ANKRD44: variants seen among roughly 807,000 people sequenced by gnomAD.
ANKRD44 encodes ankyrin repeat domain 44, also known as serine/threonine-protein phosphatase 6 regulatory ankyrin repeat subunit B.
Under a neutral mutation model 116.0 loss-of-function variants are expected in ANKRD44, and 35 were observed. That is an observed-to-expected ratio of 0.30 (90% CI 0.23 to 0.40). The LOEUF is 0.40. Among genes scored for constraint, ANKRD44 ranks in the 10% least tolerant of loss-of-function variants. ANKRD44 has a pLI of 1.00. For synonymous variants in ANKRD44, 435 were observed against 461.8 expected (o/e 0.94, Z 0.74); for missense variants, 1,014 against 1,242.6 (o/e 0.82, Z 2.77).
intron 16 of ANKRD44, among the ~76,000 whole-genome samples, chr2:197,037,259 G>C (rs566411871): frequency 6.6e-6 from 1 of 152,312 alleles, no homozygotes; most frequent in East Asian, 1.9e-4. Flanking sequence ...CTATTGAAAA[G>C]TGAAATGGTT....
chr2:197,131,095 G>C (rs959538353), intron 4 of ANKRD44, among the ~76,000 whole-genome samples: 3 of 152,180 alleles, frequency 2.0e-5, no homozygotes, highest in Admixed American at 1.3e-4. Flanking sequence ...TCCTAAACTA[G>C]TATTGCCAAT....
At chr2:197,059,277 G>T (rs935791447) in intron 16 of ANKRD44, among the ~76,000 whole-genome samples, 1 of 152,152 alleles carries the variant, frequency 6.6e-6, no homozygotes, top group Non-Finnish European at 1.5e-5. Context: ...TAAAAAATTT[G>T]CAATGGAAAA....
intron 2 of ANKRD44, among the ~76,000 whole-genome samples, chr2:197,150,383 C>T (rs2079613506): frequency 6.6e-6 from 1 of 151,782 alleles, no homozygotes; most frequent in African/African-American, 2.4e-5. Context: ...CCCATTTCTA[C>T]AAAAAAATAC....
chr2:197,231,036 A>G (rs11899420), intron 1 of ANKRD44, among the ~76,000 whole-genome samples: 1 of 152,116 alleles, frequency 6.6e-6, no homozygotes, highest in African/African-American at 2.4e-5. Flanking sequence ...ATTTCTGCCA[A>G]GAGGAGGGGA....
At chr2:197,109,900 G>A (rs184040174) in intron 9 of ANKRD44, among the ~76,000 whole-genome samples, 30 of 152,194 alleles carry the variant, frequency 2.0e-4, no homozygotes, top group African/African-American at 7.2e-4. Context: ...CAACCTGATG[G>A]TTCAAGCATA....
chr2:197,175,470 C>T (rs1317440557), intron 2 of ANKRD44, among the ~76,000 whole-genome samples: 9 of 152,162 alleles, frequency 5.9e-5, no homozygotes, highest in Admixed American at 5.9e-4. Context: ...ACATGAAGCA[C>T]TGATGACAAA....
At chr2:197,194,820 G>A (rs1241526584) in intron 1 of ANKRD44, among the ~76,000 whole-genome samples, 2 of 152,080 alleles carry the variant, frequency 1.3e-5, no homozygotes, top group South Asian at 2.1e-4. Context: ...GAAAACAAAG[G>A]GCTACAGTCT....
At chr2:197,235,719 A>G (rs1323851139) in intron 1 of ANKRD44, among the ~76,000 whole-genome samples, 1 of 151,674 alleles carries the variant, frequency 6.6e-6, no homozygotes, top group Non-Finnish European at 1.5e-5. Flanking sequence ...ATATTATACA[A>G]TACAAATAAT....
At chr2:196,989,787 T>A in intron 27 of ANKRD44, 138 bp from the exon 28 acceptor site, 3 of 1,469,272 alleles carry the variant, frequency 2.0e-6, no homozygotes, top group South Asian at 2.7e-5. Flanking sequence ...GTCACACTTT[T>A]CACTGACTTG....
chr2:197,050,268 TC>T (rs1360520313), intron 16 of ANKRD44, among the ~76,000 whole-genome samples: 1 of 152,032 alleles, frequency 6.6e-6, no homozygotes, highest in Non-Finnish European at 1.5e-5. Context: ...GCTCTCATGA[TC>T]CAATCGCCTC....
At chr2:197,164,510 C>G (rs1013765899) in intron 2 of ANKRD44, among the ~76,000 whole-genome samples, 9 of 152,212 alleles carry the variant, frequency 5.9e-5, no homozygotes, top group African/African-American at 2.2e-4. Context: ...GAGCCCTTCC[C>G]CCACCGCAGC....
chr2:197,278,325 C>T (rs1424135700), intron 1 of ANKRD44, among the ~76,000 whole-genome samples: 1 of 151,744 alleles, frequency 6.6e-6, no homozygotes, highest in Non-Finnish European at 1.5e-5. Flanking sequence ...ATTCTGCATC[C>T]TAAATGTGCA....
intron 16 of ANKRD44, among the ~76,000 whole-genome samples, chr2:197,075,439 C>A (rs576793728): frequency 6.6e-6 from 1 of 152,174 alleles, no homozygotes; most frequent in Non-Finnish European, 1.5e-5. Flanking sequence ...AAGTCTCCCC[C>A]ACTTTGCTTT....
At chr2:197,275,289 A>AT (rs2083042548) in intron 1 of ANKRD44, among the ~76,000 whole-genome samples, 1 of 151,628 alleles carries the variant, frequency 6.6e-6, no homozygotes, top group Non-Finnish European at 1.5e-5. Context: ...TAATATGTGG[A>AT]TTTTTTGTTG....
intron 1 of ANKRD44, among the ~76,000 whole-genome samples, chr2:197,272,106 A>C (rs981850401): frequency 6.6e-5 from 10 of 152,246 alleles, no homozygotes; most frequent in African/African-American, 2.4e-4. Context: ...CACAACAAGA[A>C]GTCTGCAGCC....
chr2:197,079,105 G>C (rs1205074730), intron 15 of ANKRD44, among the ~76,000 whole-genome samples: 2 of 151,810 alleles, frequency 1.3e-5, no homozygotes, highest in Non-Finnish European at 1.5e-5. Flanking sequence ...CTCATCTTCA[G>C]GTAAGAACAT....
intron 1 of ANKRD44, among the ~76,000 whole-genome samples, chr2:197,293,014 A>G (rs2083615095): frequency 6.6e-6 from 1 of 152,216 alleles, no homozygotes. Context: ...TTGACTATAC[A>G]TATTTATCAA....
chr2:197,204,208 T>A (rs1278218984), intron 1 of ANKRD44, among the ~76,000 whole-genome samples: 2 of 152,172 alleles, frequency 1.3e-5, no homozygotes, highest in Non-Finnish European at 2.9e-5. Flanking sequence ...AAGCAGTCTA[T>A]GAAACTATAT....
intron 17 of ANKRD44, chr2:197,015,379 A>G: frequency 1.7e-6 from 1 of 585,298 alleles, no homozygotes; most frequent in Admixed American, 2.4e-5. Context: ...ATTGGAAAAA[A>G]AGAGAGGATT....
Sources: gnomAD v4.1 joint callset for allele counts (sites outside exome capture counted in the v4.1 genomes callset) on GRCh38, gnomAD v4.1.1 for gene constraint, MANE v1.5 for transcripts, NCBI Gene and HGNC (gene_info 2026-07-23, HGNC 2026-07-21) for gene names.